SEC23A: variants seen among roughly 807,000 people sequenced by gnomAD.
SEC23A encodes the protein SEC23 homolog A, COPII component, also known as protein transport protein Sec23A.
In SEC23A, 56 loss-of-function variants were observed where a neutral mutation model predicts 103.7. The ratio of observed to expected loss-of-function variants is 0.54; its 90% CI spans 0.44 to 0.67. The LOEUF (loss-of-function observed/expected upper bound fraction) is 0.67, where lower values mean the gene tolerates loss of function less well. Among genes scored for constraint, SEC23A ranks in the 30% least tolerant of loss-of-function variants. The pLI is 0.00. For synonymous variants in SEC23A, 281 were observed against 293.0 expected (o/e 0.96, Z 0.42); for missense variants, 784 against 936.4 (o/e 0.84, Z 2.12).
At chr14:39,064,645 A>G (rs529539854) in intron 11 of SEC23A, 3 of 440,530 alleles carry the variant, frequency 6.8e-6, no homozygotes, top group South Asian at 6.8e-5. Flanking sequence ...TGAACTACCT[A>G]AAACAATCAA....
chr14:39,083,372 G>A, intron 7 of SEC23A, among the ~76,000 whole-genome samples: 1 of 151,818 alleles, frequency 6.6e-6, no homozygotes, highest in Non-Finnish European at 1.5e-5. Flanking sequence ...TCACCTATCT[G>A]TGACCTGGAA....
intron 15 of SEC23A, among the ~76,000 whole-genome samples, chr14:39,046,794 G>C (rs1875654933): frequency 1.3e-5 from 2 of 152,062 alleles, no homozygotes; most frequent in Non-Finnish European, 2.9e-5. Flanking sequence ...AGTTACACTG[G>C]GTCTTTGATA....
intron 13 of SEC23A, among the ~76,000 whole-genome samples, chr14:39,055,942 T>C (rs775664460): frequency 6.6e-6 from 1 of 152,224 alleles, no homozygotes; most frequent in Non-Finnish European, 1.5e-5. Context: ...GGGACTGGAT[T>C]GCAACCATCT....
chr14:39,091,813 C>T, intron 4 of SEC23A, 100 bp from the exon 5 acceptor site: 1 of 800,612 alleles, frequency 1.2e-6, no homozygotes, highest in African/African-American at 1.7e-5. Flanking sequence ...CAAAAGAATC[C>T]TAGTAAAGCC....
chr14:39,042,658 A>G, intron 17 of SEC23A, 128 bp downstream of exon 17: 1 of 658,238 alleles, frequency 1.5e-6, no homozygotes, highest in Non-Finnish European at 2.7e-6. Context: ...ATCATATTTT[A>G]TTATTTTATA....
intron 10 of SEC23A, among the ~76,000 whole-genome samples, chr14:39,065,551 G>C (rs1406851905): frequency 6.6e-6 from 1 of 152,082 alleles, no homozygotes; most frequent in African/African-American, 2.4e-5. Context: ...ACTACAGCCA[G>C]CTCCCACAGA....
intron 7 of SEC23A, among the ~76,000 whole-genome samples, chr14:39,077,904 G>C (rs930540831): frequency 6.6e-6 from 1 of 151,710 alleles, no homozygotes; most frequent in Non-Finnish European, 1.5e-5. Context: ...CTGTACTCCA[G>C]CCAGGATGAC....
intron 13 of SEC23A, among the ~76,000 whole-genome samples, chr14:39,060,579 A>C (rs1207851975): frequency 6.6e-6 from 1 of 152,210 alleles, no homozygotes; most frequent in East Asian, 1.9e-4. Context: ...AAGCCTGTTC[A>C]TTTCTAGATT....
In SEC23A at chr14:39,047,148, CA is replaced by C. The variant is rs1365382353; in HGVS notation, c.1737+1503del. Among the ~76,000 whole-genome samples the C allele has an allele frequency of 5.9e-5, 9 of 152,130 alleles. 1 individual carries two copies. In the South Asian group the frequency reaches 1.7e-3, roughly 28 times the overall value. Reference sequence around the variant, plus strand: ...ATTATCAGACTTTGAAAACCCAAGACAAAAAGTATTCCAGGGTCCTCTGCTT... The same window carrying C: ...ATTATCAGACTTTGAAAACCCAAGACAAAAGTATTCCAGGGTCCTCTGCTT... On this transcript the variant is annotated intron_variant, in intron 15 of 19. Transcript: ENST00000307712.
intron 7 of SEC23A, among the ~76,000 whole-genome samples, chr14:39,080,141 A>G (rs1453873281): frequency 6.6e-6 from 1 of 152,192 alleles, no homozygotes; most frequent in Non-Finnish European, 1.5e-5. Context: ...GAGGGAAAAA[A>G]AAGCCACTAA....
At chr14:39,049,202 G>A (rs750906771) in intron 14 of SEC23A, among the ~76,000 whole-genome samples, 28 of 152,018 alleles carry the variant, frequency 1.8e-4, no homozygotes, top group Admixed American at 3.3e-4. Context: ...TTGTGGCCGG[G>A]CGCAGTGGCT....
intron 16 of SEC23A, among the ~76,000 whole-genome samples, 190 bp from the exon 17 acceptor site, chr14:39,043,062 A>C (rs1264599010): frequency 6.6e-6 from 1 of 152,036 alleles, no homozygotes; most frequent in Non-Finnish European, 1.5e-5. Context: ...CTGCAGCCTC[A>C]AACTCCCAGG....
At chr14:39,070,098 A>C (rs1421595067) in intron 9 of SEC23A, among the ~76,000 whole-genome samples, 1 of 152,262 alleles carries the variant, frequency 6.6e-6, no homozygotes, top group Non-Finnish European at 1.5e-5. Flanking sequence ...TCAATGGGAC[A>C]GCACAAAGAA....
intron 14 of SEC23A, among the ~76,000 whole-genome samples, chr14:39,052,091 G>A (rs563321390): frequency 6.6e-6 from 1 of 152,198 alleles, no homozygotes; most frequent in East Asian, 1.9e-4. Flanking sequence ...TCACTTACAA[G>A]TGGGAGCTGA....
At chr14:39,090,217 G>A (rs1386674005) in intron 5 of SEC23A, among the ~76,000 whole-genome samples, 1 of 152,092 alleles carries the variant, frequency 6.6e-6, no homozygotes, top group Non-Finnish European at 1.5e-5. Flanking sequence ...TCAACTTTAT[G>A]CCAGGCTTAT....
intron 13 of SEC23A, among the ~76,000 whole-genome samples, chr14:39,058,380 T>C (rs1012661998): frequency 1.3e-5 from 2 of 152,094 alleles, no homozygotes; most frequent in Non-Finnish European, 2.9e-5. Context: ...CAATCTCGGC[T>C]CACTGCAAGC....
At chr14:39,055,358 G>T in intron 13 of SEC23A, 62 bp from the exon 14 acceptor site, 3 of 1,526,932 alleles carry the variant, frequency 2.0e-6, no homozygotes, top group Non-Finnish European at 2.7e-6. Flanking sequence ...TATCATAGTT[G>T]GCTACCACAC....
intron 15 of SEC23A, among the ~76,000 whole-genome samples, chr14:39,046,776 T>A (rs1885853385): frequency 6.6e-6 from 1 of 152,176 alleles, no homozygotes. Flanking sequence ...TAGGCCTGAA[T>A]AATGGACAGT....
Position 39,096,148 on chromosome 14 carries a change from A to G in SEC23A, c.-21-9T>C, listed in dbSNP as rs754132974. 6.6e-7 allele frequency: 1 copy of G among 1,515,724 alleles called. No homozygotes were observed. 93.9% of individuals were successfully genotyped at this position (1,515,724 alleles called of 1,614,324 possible). Reference sequence around the variant, plus strand: ...GAGTTTGATTCTTATTTCTGTATCAAAATTTTAAAATATTTTAAAATCCAG... The same window carrying G: ...GAGTTTGATTCTTATTTCTGTATCAGAATTTTAAAATATTTTAAAATCCAG... On this transcript the variant is annotated splice_polypyrimidine_tract_variant and intron_variant, in intron 1 of 19. Transcript: ENST00000307712.
Sources: allele counts gnomAD v4.1 joint callset (sites outside exome capture counted in the v4.1 genomes callset), GRCh38; gene constraint gnomAD v4.1.1; transcripts MANE v1.5; gene names NCBI Gene and HGNC (gene_info 2026-07-23, HGNC 2026-07-21).